Variants in BICC1 observed in about 807,000 individuals in gnomAD.
BICC1 encodes BicC family RNA binding protein 1, also known as protein bicaudal C homolog 1.
A neutral mutation model predicts 111.0 loss-of-function variants in BICC1; 43 were observed. The observed-to-expected ratio is 0.39, with a 90% CI of 0.30 to 0.50. BICC1 has a LOEUF of 0.50. Among genes scored for constraint, BICC1 ranks in the 20% least tolerant of loss-of-function variants. The probability of loss-of-function intolerance (pLI) is 0.88; values close to 1 mark genes in which losing one functional copy is unlikely to be tolerated. For synonymous variants in BICC1, 467 were observed against 434.4 expected (o/e 1.07, Z -0.93); for missense variants, 1,091 against 1,203.2 (o/e 0.91, Z 1.38).
chr10:58,811,712 A>T (rs1243249258), intron 17 of BICC1, among the ~76,000 whole-genome samples: 1 of 152,210 alleles, frequency 6.6e-6, no homozygotes, highest in Non-Finnish European at 1.5e-5. Context: ...AACAAACAAG[A>T]AGTCATTAGT....
intron 8 of BICC1, among the ~76,000 whole-genome samples, 159 bp downstream of exon 8, chr10:58,790,092 A>G (rs551021353): frequency 1.2e-3 from 179 of 152,334 alleles, no homozygotes; most frequent in African/African-American, 3.8e-3. Flanking sequence ...TGGAAGAGTA[A>G]TAAGGTTCAT....
chr10:58,636,682 T>C (rs1837963530), intron 2 of BICC1, among the ~76,000 whole-genome samples: 1 of 152,220 alleles, frequency 6.6e-6, no homozygotes, highest in Non-Finnish European at 1.5e-5. Context: ...GAGATGTTAA[T>C]ACTATGAAGA....
At chr10:58,793,750 G>C in intron 9 of BICC1, 135 bp downstream of exon 9, 1 of 928,272 alleles carries the variant, frequency 1.1e-6, no homozygotes, top group Non-Finnish European at 1.6e-6. Flanking sequence ...AATCCGGAAT[G>C]CTCCAAAAGC....
In BICC1 at chr10:58,814,368, G is replaced by A. The variant is rs181099428; in HGVS notation, c.2533+382G>A. ...CCTTATTGGATATTTCTTCCCAAAC[G>A]CCTAGTGAACTGTCTGACACCTAGT... On this transcript the variant is annotated intron_variant, in intron 18 of 20. Coordinates refer to ENST00000373886, the MANE Select transcript of BICC1 (RefSeq NM_001080512.3). 7 of 514,828 alleles carry A rather than the reference G, an allele frequency of 1.4e-5. No individual in the cohort carries two copies. The East Asian group carries it at 1.7e-4, about 12-fold the overall frequency. 31.9% of individuals were successfully genotyped at this position (514,828 alleles called of 1,614,324 possible).
intron 1 of BICC1, among the ~76,000 whole-genome samples, chr10:58,526,787 A>G (rs7923454): frequency 6.6e-6 from 1 of 152,184 alleles, no homozygotes; most frequent in East Asian, 1.9e-4. Flanking sequence ...ATAGTATTCC[A>G]TGGTGTATAT....
At chr10:58,535,129 G>A (rs1339701719) in intron 1 of BICC1, among the ~76,000 whole-genome samples, 1 of 151,702 alleles carries the variant, frequency 6.6e-6, no homozygotes, top group Non-Finnish European at 1.5e-5. Context: ...TTTCCTGAGG[G>A]AGAGGAAAAA....
At chr10:58,754,518 A>C (rs1403882334) in intron 3 of BICC1, among the ~76,000 whole-genome samples, 1 of 152,236 alleles carries the variant, frequency 6.6e-6, no homozygotes, top group African/African-American at 2.4e-5. Context: ...GTGTTTCCTC[A>C]TGGAGAAAAG....
intron 3 of BICC1, among the ~76,000 whole-genome samples, chr10:58,737,723 A>G (rs142184528): frequency 6.6e-6 from 1 of 152,138 alleles, no homozygotes; most frequent in Non-Finnish European, 1.5e-5. Context: ...CAATGGTGCT[A>G]TTTCTCCACA....
chr10:58,787,658 G>T (rs183793330), intron 5 of BICC1, among the ~76,000 whole-genome samples: 10 of 152,290 alleles, frequency 6.6e-5, no homozygotes, highest in South Asian at 4.1e-4. Context: ...TTCTAAACTA[G>T]TTACAATACT....
chr10:58,719,385 T>A (rs1840864993), intron 3 of BICC1, among the ~76,000 whole-genome samples: 1 of 152,196 alleles, frequency 6.6e-6, no homozygotes. Context: ...CTCCTACTCA[T>A]CCTCACACAT....
chr10:58,627,136 G>A (rs758904738), intron 2 of BICC1, among the ~76,000 whole-genome samples: 1 of 152,080 alleles, frequency 6.6e-6, no homozygotes, highest in Non-Finnish European at 1.5e-5. Flanking sequence ...GATAGTGAAC[G>A]TAACTTAATT....
chr10:58,802,938 A>G (rs926469875), intron 14 of BICC1, 139 bp from the exon 15 acceptor site: 1 of 804,868 alleles, frequency 1.2e-6, no homozygotes, highest in East Asian at 3.1e-5. Flanking sequence ...GTGTCATAGC[A>G]TTGTTGTGAG....
chr10:58,698,449 C>G (rs1840131828), intron 2 of BICC1, among the ~76,000 whole-genome samples: 1 of 152,094 alleles, frequency 6.6e-6, no homozygotes. Context: ...TTTTCTCCTC[C>G]TTTAGGTCAC....
At chr10:58,542,581 A>G (rs1843021780) in intron 1 of BICC1, among the ~76,000 whole-genome samples, 1 of 152,138 alleles carries the variant, frequency 6.6e-6, no homozygotes, top group South Asian at 2.1e-4. Context: ...AAGGCAGTCT[A>G]CGTAATGGGA....
intron 1 of BICC1, among the ~76,000 whole-genome samples, chr10:58,544,938 A>G (rs1045376172): frequency 5.9e-5 from 9 of 152,136 alleles, no homozygotes; most frequent in African/African-American, 2.2e-4. Flanking sequence ...AGAGATATGC[A>G]TAGAAGGAAG....
At chr10:58,684,311 T>G (rs1839639095) in intron 2 of BICC1, among the ~76,000 whole-genome samples, 1 of 152,224 alleles carries the variant, frequency 6.6e-6, no homozygotes, top group African/African-American at 2.4e-5. Context: ...ATCGATGTCA[T>G]CAGGGATATT....
chr10:58,808,845 A>C (rs1244131153), intron 17 of BICC1, among the ~76,000 whole-genome samples: 2 of 151,634 alleles, frequency 1.3e-5, no homozygotes, highest in Non-Finnish European at 2.9e-5. Context: ...CCTCCCGAGT[A>C]GCTGGGATTA....
At chr10:58,602,603 C>T (rs1305190305) in intron 1 of BICC1, among the ~76,000 whole-genome samples, 1 of 152,072 alleles carries the variant, frequency 6.6e-6, no homozygotes, top group Non-Finnish European at 1.5e-5. Context: ...GCCCTCAAAG[C>T]ATCTATCTTT....
At chr10:58,775,028 G>A (rs1842712080) in intron 3 of BICC1, among the ~76,000 whole-genome samples, 1 of 152,064 alleles carries the variant, frequency 6.6e-6, no homozygotes, top group Non-Finnish European at 1.5e-5. Flanking sequence ...ATGCCTTCTT[G>A]CTTTTAGAAA....
Sources: allele counts gnomAD v4.1 joint callset (sites outside exome capture counted in the v4.1 genomes callset), GRCh38; gene constraint gnomAD v4.1.1; transcripts MANE v1.5; gene names NCBI Gene and HGNC (gene_info 2026-07-23, HGNC 2026-07-21).